CEP112: variants seen among roughly 807,000 people sequenced by gnomAD.
The protein encoded by CEP112 is centrosomal protein 112.
In CEP112, 127 loss-of-function variants were observed where a neutral mutation model predicts 153.0. The ratio of observed to expected loss-of-function variants is 0.83; its 90% CI spans 0.72 to 0.96. The LOEUF (loss-of-function observed/expected upper bound fraction) is 0.96, where lower values mean the gene tolerates loss of function less well. Among genes scored for constraint, CEP112 ranks in the 40% least tolerant of loss-of-function variants. The pLI is 0.00. For missense variants in CEP112, 1,089 were observed against 1,101.2 expected (o/e 0.99, Z 0.16); for synonymous variants, 358 against 374.4 (o/e 0.96, Z 0.51).
intron 22 of CEP112, among the ~76,000 whole-genome samples, chr17:65,750,130 A>C (rs1348830793): frequency 6.6e-6 from 1 of 152,220 alleles, no homozygotes; most frequent in East Asian, 1.9e-4. Context: ...CTAAAACTAC[A>C]ACAGTAAGTA....
At chr17:65,683,179 C>A (rs932643254) in intron 24 of CEP112, among the ~76,000 whole-genome samples, 1 of 152,196 alleles carries the variant, frequency 6.6e-6, no homozygotes, top group Non-Finnish European at 1.5e-5. Flanking sequence ...CACCCTGCAA[C>A]CCCTAAACAC....
chr17:66,101,808 G>GA (rs899951306), intron 6 of CEP112, among the ~76,000 whole-genome samples: 5 of 149,178 alleles, frequency 3.4e-5, no homozygotes, highest in Non-Finnish European at 4.5e-5. Context: ...TTAATTCTGA[G>GA]AAAAAAAAAC....
At chr17:65,906,813 T>A (rs950217479) in intron 19 of CEP112, among the ~76,000 whole-genome samples, 3 of 152,206 alleles carry the variant, frequency 2.0e-5, no homozygotes, top group South Asian at 2.1e-4. Flanking sequence ...GACATTTTGC[T>A]CAGGAAGCTG....
intron 18 of CEP112, among the ~76,000 whole-genome samples, chr17:65,938,710 C>T (rs1017627661): frequency 3.3e-5 from 5 of 152,188 alleles, no homozygotes; most frequent in Admixed American, 1.3e-4. Context: ...GGATTCCACA[C>T]ACACACACAA....
Position 65,961,531 on chromosome 17 carries a change from C to T in CEP112, c.1804G>A (p.Ala602Thr), listed in dbSNP as rs373914387. The stretch of plus-strand genomic sequence containing the variant: ...ACCTGCCGCTTAAACTCTTCCAGAG[C>T]GGCATCTGCCTGCTGGGCCTGCAAC... ...QRLQAQQADA[A>T]LEEFKRQVEL... The change falls in exon 18 of 27, where the codon GCT becomes ACT. Residue 602 changes from alanine to threonine, a missense_variant. Coordinates refer to ENST00000535342, the MANE Select transcript of CEP112 (RefSeq NM_001199165.4). 37 of 1,613,510 alleles carry T rather than the reference C, an allele frequency of 2.3e-5. No homozygotes were observed. Among genetic ancestry groups the T allele is most frequent in the Admixed American group, 6.7e-5 (4 of 59,994 alleles).
At chr17:65,899,312 A>T (rs2143466670) in intron 20 of CEP112, among the ~76,000 whole-genome samples, 1 of 152,262 alleles carries the variant, frequency 6.6e-6, no homozygotes, top group Middle Eastern at 3.4e-3. Context: ...GTAAAATTTA[A>T]TGTGCACATT....
intron 12 of CEP112, among the ~76,000 whole-genome samples, chr17:66,045,567 T>G (rs116864155): frequency 0.028 from 4,230 of 152,276 alleles, 98 homozygotes; most frequent in Non-Finnish European, 0.041. Flanking sequence ...AATCAAGTTT[T>G]AAATCACAAC....
At chr17:65,882,261 A>T (rs2059106099) in intron 20 of CEP112, among the ~76,000 whole-genome samples, 1 of 152,152 alleles carries the variant, frequency 6.6e-6, no homozygotes, top group Non-Finnish European at 1.5e-5. Context: ...CTAATACTGT[A>T]CTGAGCACAT....
At chr17:66,097,252 C>T (rs2068385819) in intron 6 of CEP112, among the ~76,000 whole-genome samples, 1 of 151,924 alleles carries the variant, frequency 6.6e-6, no homozygotes, top group African/African-American at 2.4e-5. Context: ...GTCTTTGCAA[C>T]CTGTAAGATC....
intron 21 of CEP112, among the ~76,000 whole-genome samples, chr17:65,806,136 G>C (rs2055583576): frequency 6.6e-6 from 1 of 152,202 alleles, no homozygotes; most frequent in Non-Finnish European, 1.5e-5. Flanking sequence ...GAAAACATTA[G>C]AGATTCATCC....
At position 66,132,793 on chromosome 17, in the gene CEP112, T is replaced by TA. The variant is rs748447066; in HGVS notation, c.471-31_471-30insT. ...GAGACCAAAATAATCGCAATCACAA[T>TA]TTGGAGAATTCAGAGGACACAGAGT... On this transcript the variant is annotated intron_variant, in intron 4 of 26. Coordinates refer to ENST00000535342, the MANE Select transcript of CEP112 (RefSeq NM_001199165.4). 2.8e-6 allele frequency: 4 copies of TA among 1,416,744 alleles called. No homozygotes were observed. The African/African-American group carries it at 5.6e-5, about 20-fold the overall frequency. The allele number at this position is 1,416,744 out of a possible 1,614,324, so 87.8% of individuals were successfully genotyped here. A position where few individuals can be genotyped will look rare whatever the true frequency, so the allele number is the denominator to read the frequency against.
chr17:66,041,295 T>C (rs985999800), intron 12 of CEP112, among the ~76,000 whole-genome samples: 17 of 151,956 alleles, frequency 1.1e-4, no homozygotes, highest in African/African-American at 4.1e-4. Context: ...AGGAAAAACA[T>C]TATGTTTGAC....
intron 21 of CEP112, among the ~76,000 whole-genome samples, chr17:65,759,377 C>G (rs2052474296): frequency 6.6e-6 from 1 of 152,126 alleles, no homozygotes; most frequent in Non-Finnish European, 1.5e-5. Context: ...TCCAAGAACC[C>G]TCTCTTGGGG....
At chr17:65,659,595 C>T (rs1035405704) in intron 24 of CEP112, among the ~76,000 whole-genome samples, 3 of 152,232 alleles carry the variant, frequency 2.0e-5, no homozygotes, top group African/African-American at 7.2e-5. Flanking sequence ...CACAACCTCA[C>T]AGCAGAACAT....
At chr17:66,134,899 C>T (rs1568532626) in intron 4 of CEP112, among the ~76,000 whole-genome samples, 1 of 152,210 alleles carries the variant, frequency 6.6e-6, no homozygotes. Flanking sequence ...CAATAACCTT[C>T]ACTAGCTTTC....
At chr17:65,711,936 C>T (rs2049207828) in intron 23 of CEP112, among the ~76,000 whole-genome samples, 1 of 152,218 alleles carries the variant, frequency 6.6e-6, no homozygotes, top group African/African-American at 2.4e-5. Context: ...GTACTCACTG[C>T]ATGCATTTTG....
intron 17 of CEP112, among the ~76,000 whole-genome samples, chr17:66,001,570 T>A (rs1214919814): frequency 6.6e-6 from 1 of 152,238 alleles, no homozygotes; most frequent in Non-Finnish European, 1.5e-5. Flanking sequence ...TTGTATTTAT[T>A]GTAAAAACAG....
At chr17:65,879,212 A>G (rs62065122) in intron 20 of CEP112, among the ~76,000 whole-genome samples, 15,812 of 152,294 alleles carry the variant, frequency 0.1, 996 homozygotes, top group Non-Finnish European at 0.14. Flanking sequence ...ATGAGGGTCC[A>G]TATCACAGCG....
At chr17:65,836,673 C>A (rs1291785264) in intron 21 of CEP112, among the ~76,000 whole-genome samples, 1 of 152,116 alleles carries the variant, frequency 6.6e-6, no homozygotes, top group Non-Finnish European at 1.5e-5. Flanking sequence ...GACTGCAATG[C>A]AATAATAGTA....
Sources: allele counts gnomAD v4.1 joint callset (sites outside exome capture counted in the v4.1 genomes callset), GRCh38; gene constraint gnomAD v4.1.1; transcripts MANE v1.5; gene names NCBI Gene and HGNC (gene_info 2026-07-23, HGNC 2026-07-21).